ADCY7: variants seen among roughly 807,000 people sequenced by gnomAD.
ADCY7 encodes adenylate cyclase type 7.
Under a neutral mutation model 120.6 loss-of-function variants are expected in ADCY7, and 72 were observed. The ratio of observed to expected loss-of-function variants is 0.60; its 90% CI spans 0.49 to 0.73. The LOEUF (loss-of-function observed/expected upper bound fraction) is 0.73. Among genes scored for constraint, ADCY7 ranks in the 30% least tolerant of loss-of-function variants. The probability of loss-of-function intolerance (pLI) is 0.00; values close to 1 mark genes in which losing one functional copy is unlikely to be tolerated. For synonymous variants in ADCY7, 661 were observed against 628.0 expected (o/e 1.05, Z -0.78); for missense variants, 1,227 against 1,486.0 (o/e 0.83, Z 2.87).
chr16:50,253,843 G>A (rs895270746), intron 1 of ADCY7, among the ~76,000 whole-genome samples: 20 of 152,200 alleles, frequency 1.3e-4, no homozygotes, highest in African/African-American at 4.8e-4. Flanking sequence ...GTGGGGACTG[G>A]AGGCCAGAGC....
At chr16:50,280,913 A>G (rs2034217787) in intron 1 of ADCY7, among the ~76,000 whole-genome samples, 1 of 152,140 alleles carries the variant, frequency 6.6e-6, no homozygotes, top group Non-Finnish European at 1.5e-5. Context: ...CTGGTCCCCA[A>G]GACTGATCAG....
intron 1 of ADCY7, among the ~76,000 whole-genome samples, chr16:50,254,260 G>A (rs774536347): frequency 5.3e-5 from 8 of 152,104 alleles, no homozygotes; most frequent in African/African-American, 9.7e-5. Flanking sequence ...CCCTGCCTCC[G>A]CTTCCGCAGG....
At chr16:50,246,044 CCCCGCCCCGGCT>C (rs1014929682), upstream of ADCY7, 1 of 150,474 alleles carries the variant, frequency 6.6e-6, no homozygotes, top group Non-Finnish European at 1.5e-5. Context: ...GCCCCCAGCC[CCCCGCCCCGGCT>C]CCCGCCCCCG....
chr16:50,257,637 A>G (rs576110419), intron 1 of ADCY7, among the ~76,000 whole-genome samples: 41 of 152,002 alleles, frequency 2.7e-4, no homozygotes, highest in South Asian at 6.2e-4. Flanking sequence ...ATATTGCTAA[A>G]CATTAGCAGT....
chr16:50,275,389 G>A (rs968597737), intron 1 of ADCY7, among the ~76,000 whole-genome samples: 1 of 152,218 alleles, frequency 6.6e-6, no homozygotes, highest in Non-Finnish European at 1.5e-5. Flanking sequence ...GGGCTCTACA[G>A]GCCACAGCTA....
intron 24 of ADCY7, chr16:50,314,745 A>C: frequency 4.4e-6 from 2 of 456,002 alleles, no homozygotes; most frequent in Non-Finnish European, 7.8e-6. Context: ...TACTTTTAAC[A>C]AAGTATTCTT....
chr16:50,309,575 C>G lies in ADCY7; in HGVS notation c.2089C>G (p.Leu697Val), dbSNP rs1418966709. ...LPLMPFQVPE[L>V]PVGNETGLLA... ...CCTGATGCCTTTCCAAGTTCCAGAG[C>G]TGCCTGTTGGCAATGAGACAGGCCT... Residue 697 changes from leucine (L) to valine (V), a missense_variant, in exon 18 of 26, where the codon CTG becomes GTG. Around this residue, in one of 5 missense-constraint regions of ADCY7, gnomAD observed 267 missense variants for 270.0 expected, o/e 0.99. Coordinates refer to ENST00000673801, the MANE Select transcript of ADCY7 (RefSeq NM_001114.5). The G allele has an allele frequency of 2.5e-6, 4 of 1,613,810 alleles. No individual in the cohort carries two copies. The East Asian group carries it at 8.9e-5, about 36-fold the overall frequency.
At chr16:50,253,646 C>T (rs1163536443) in intron 1 of ADCY7, among the ~76,000 whole-genome samples, 1 of 152,202 alleles carries the variant, frequency 6.6e-6, no homozygotes, top group Non-Finnish European at 1.5e-5. Context: ...GTCTTGGGCA[C>T]TGAGCGCTTT....
chr16:50,305,566 T>C lies in ADCY7; in HGVS notation c.1659T>C (p.Ile553=), dbSNP rs1387127858. 1.2e-6 allele frequency: 2 copies of C among 1,605,062 alleles called. No homozygotes were observed. Among genetic ancestry groups the C allele is most frequent in the South Asian group, 2.2e-5 (2 of 89,624 alleles). The change falls in exon 13 of 26, where the codon ATT becomes ATC. Residue 553 remains isoleucine (I), a synonymous_variant. Coordinates refer to ENST00000673801, the MANE Select transcript of ADCY7 (RefSeq NM_001114.5). ...ACGATGACGAGATGCTGTCAGCCATTGAGGGGCTCAGCTCCACGAGGTGAG... is the reference window on the plus strand; with the variant it reads ...ACGATGACGAGATGCTGTCAGCCATCGAGGGGCTCAGCTCCACGAGGTGAG... ...DSYDDEMLSA[I]EGLSSTRPCC... is the part of the protein sequence containing the mutation.
rs760217784 is a variant in ADCY7 at position 50,298,876 on chromosome 16, G to A, written c.949-28G>A. On this transcript the variant is annotated intron_variant, in intron 7 of 25. Transcript: ENST00000673801. The stretch of plus-strand genomic sequence containing the variant: ...AGAGGTCCCAGCCCCACATCTTCCA[G>A]TGACCAGGCCCTTCCCTCACCCTGC... 5.6e-6 allele frequency: 9 copies of A among 1,602,454 alleles called. No homozygotes were observed. The Admixed American group carries it at 8.4e-5, about 15-fold the overall frequency.
intron 1 of ADCY7, among the ~76,000 whole-genome samples, chr16:50,285,411 T>C (rs1249011783): frequency 1.3e-5 from 2 of 152,214 alleles, no homozygotes; most frequent in Non-Finnish European, 2.9e-5. Flanking sequence ...GAGCCTGAGG[T>C]GGCTCCTGGA....
intron 1 of ADCY7, among the ~76,000 whole-genome samples, chr16:50,284,795 CT>C (rs1408685236): frequency 2.0e-5 from 3 of 152,252 alleles, no homozygotes; most frequent in African/African-American, 7.2e-5. Flanking sequence ...GCAGTGTGAT[CT>C]TAGGCAACCA....
intron 1 of ADCY7, among the ~76,000 whole-genome samples, chr16:50,280,085 G>A (rs760038768): frequency 6.6e-6 from 1 of 151,994 alleles, no homozygotes; most frequent in Non-Finnish European, 1.5e-5. Flanking sequence ...GCCTTTTATT[G>A]GTAGGCTATT....
At chr16:50,310,465 TG>T (rs2036382015) in intron 18 of ADCY7, 1 of 1,536,310 alleles carries the variant, frequency 6.5e-7, no homozygotes, top group Non-Finnish European at 8.7e-7. Context: ...ACCTGCATAC[TG>T]TTTTTTCCCG....
At chr16:50,313,362 AGCTGG>A (rs1410751504) in intron 22 of ADCY7, 3 of 284,932 alleles carry the variant, frequency 1.1e-5, no homozygotes, top group African/African-American at 4.5e-5. Context: ...GGTTGCAGTG[AGCTGG>A]GATCACGCCA....
At chr16:50,309,231 G>T in intron 17 of ADCY7, 2 of 378,252 alleles carry the variant, frequency 5.3e-6, no homozygotes, top group Non-Finnish European at 9.6e-6. Context: ...CCCGGACCCT[G>T]GGTTTTTGGA....
intron 1 of ADCY7, among the ~76,000 whole-genome samples, chr16:50,254,097 A>T (rs2032841264): frequency 6.6e-6 from 1 of 152,098 alleles, no homozygotes; most frequent in South Asian, 2.1e-4. Context: ...ATCTGTAGGA[A>T]GGGGCTAAAA....
chr16:50,247,562 T>C (rs2032629882), intron 1 of ADCY7, among the ~76,000 whole-genome samples: 1 of 127,222 alleles, frequency 7.9e-6, no homozygotes, highest in South Asian at 2.4e-4. Flanking sequence ...TTTTTTTTGG[T>C]GGACGCATGG....
intron 2 of ADCY7, among the ~76,000 whole-genome samples, chr16:50,290,151 G>T (rs2034847923): frequency 6.6e-6 from 1 of 152,342 alleles, no homozygotes; most frequent in South Asian, 2.1e-4. Context: ...GGTATCACCT[G>T]CGGCTGTGCA....
Sources: gnomAD v4.1 joint callset for allele counts (sites outside exome capture counted in the v4.1 genomes callset) on GRCh38, gnomAD v4.1.1 for gene constraint, gnomAD v4.1.1 regional missense constraint, MANE v1.5 for transcripts, NCBI Gene and HGNC (gene_info 2026-07-23, HGNC 2026-07-21) for gene names.